CAST: variants seen among roughly 807,000 people sequenced by gnomAD.
CAST encodes the protein calpastatin.
Under a neutral mutation model 119.6 loss-of-function variants are expected in CAST, and 76 were observed. That is an observed-to-expected ratio of 0.64 (90% CI 0.53 to 0.77). The LOEUF (loss-of-function observed/expected upper bound fraction) is 0.77, where lower values mean the gene tolerates loss of function less well. CAST is among the 30% of genes least tolerant of loss of function. The probability of loss-of-function intolerance (pLI) is 0.00; values close to 1 mark genes in which losing one functional copy is unlikely to be tolerated. For synonymous variants in CAST, 319 were observed against 331.6 expected, an observed-to-expected ratio of 0.96 and a Z score of 0.41; for missense variants, 953 against 946.5, an observed-to-expected ratio of 1.01 and a Z score of -0.09.
chr5:95,991,994 C>G, the CAST span, among the ~76,000 whole-genome samples: 1 of 152,120 alleles, frequency 6.6e-6, no homozygotes, highest in East Asian at 1.9e-4. Flanking sequence ...GTATTTGAGG[C>G]AATGTTGGGC....
chr5:96,683,766 T>G (rs1580956699), intron 2 of CAST, among the ~76,000 whole-genome samples: 1 of 152,210 alleles, frequency 6.6e-6, no homozygotes, highest in African/African-American at 2.4e-5. Flanking sequence ...GTCAGATAGG[T>G]TTTCATGAGC....
chr5:96,014,662 C>T, the CAST span, among the ~76,000 whole-genome samples: 3 of 152,088 alleles, frequency 2.0e-5, no homozygotes, highest in Admixed American at 6.6e-5. Flanking sequence ...GGGACACTCT[C>T]TCATATGCAG....
At chr5:96,571,535 C>G (rs938061020) in intron 1 of CAST, among the ~76,000 whole-genome samples, 2 of 152,140 alleles carry the variant, frequency 1.3e-5, no homozygotes, top group African/African-American at 4.8e-5. Context: ...TAAAGATGAT[C>G]ATAGTTACAC....
the CAST span, among the ~76,000 whole-genome samples, chr5:96,115,719 A>G: frequency 1.3e-5 from 2 of 152,200 alleles, no homozygotes; most frequent in African/African-American, 4.8e-5. Context: ...GAGAAAGTCA[A>G]ATCATTGTTA....
intron 19 of CAST, among the ~76,000 whole-genome samples, chr5:96,749,807 A>G (rs1365135672): frequency 6.6e-6 from 1 of 152,220 alleles, no homozygotes; most frequent in African/African-American, 2.4e-5. Context: ...TGGCCTCCCA[A>G]AGTGCTGGGA....
chr5:96,702,124 C>A (rs368565422), intron 3 of CAST, among the ~76,000 whole-genome samples: 50 of 152,322 alleles, frequency 3.3e-4, no homozygotes, highest in African/African-American at 1.2e-3. Context: ...CCTTCACTCA[C>A]ACCCCAAGTT....
the CAST span, among the ~76,000 whole-genome samples, chr5:96,099,903 G>A: frequency 6.6e-6 from 1 of 152,164 alleles, no homozygotes; most frequent in Non-Finnish European, 1.5e-5. Context: ...AGTAGGAATG[G>A]TACCAACTCT....
At chr5:96,661,179 A>C (rs4266424), upstream of CAST, among the ~76,000 whole-genome samples, 62,857 of 148,494 alleles carry the variant, frequency 0.42, 16,566 homozygotes, top group African/African-American at 0.74. Context: ...TTTGGGAGGC[A>C]GCACTGGGCA....
chr5:96,112,452 G>A, the CAST span, among the ~76,000 whole-genome samples: 1 of 152,086 alleles, frequency 6.6e-6, no homozygotes, highest in Admixed American at 6.5e-5. Context: ...TCCTCCACTA[G>A]GAGGATAAAT....
chr5:96,748,538 C>G lies in CAST; in HGVS notation c.1353C>G (p.Leu451=). 1 of 1,559,560 alleles carries G rather than the reference C, an allele frequency of 6.4e-7. No individual in the cohort carries two copies. Among genetic ancestry groups the G allele is most frequent in the African/African-American group, 1.4e-5 (1 of 73,806 alleles). ...TACAGCCTCGGAGTGAATCAGAACT[C>G]ATTGATGAACTTTCAGAAGATTTTG... ...EKPKPRSESE[L]IDELSEDFDR... Residue 451 remains leucine (L), a synonymous_variant, in exon 19 of 32, where the codon CTC becomes CTG. Coordinates refer to ENST00000675179, the MANE Select transcript of CAST (RefSeq NM_001750.7).
the CAST span, among the ~76,000 whole-genome samples, chr5:96,134,024 A>G: frequency 1.7e-4 from 26 of 152,340 alleles, no homozygotes; most frequent in African/African-American, 6.0e-4. Context: ...GTTGAGGAAC[A>G]CAACTCTGTT....
the CAST span, among the ~76,000 whole-genome samples, chr5:96,210,471 G>A: frequency 1.3e-5 from 2 of 151,904 alleles, no homozygotes; most frequent in African/African-American, 4.8e-5. Context: ...AATTGCTTTT[G>A]CACCTTCATC....
chr5:96,080,250 T>G, the CAST span, among the ~76,000 whole-genome samples: 3 of 152,202 alleles, frequency 2.0e-5, no homozygotes, highest in African/African-American at 7.2e-5. Flanking sequence ...CATGCTGATA[T>G]CCACATATAA....
chr5:96,071,485 C>G, the CAST span, among the ~76,000 whole-genome samples: 3 of 152,158 alleles, frequency 2.0e-5, no homozygotes, highest in Admixed American at 1.3e-4. Context: ...ATCCTTCCTA[C>G]CCACCAATGG....
chr5:96,763,523 A>G (rs1768758542), intron 25 of CAST, among the ~76,000 whole-genome samples: 1 of 152,210 alleles, frequency 6.6e-6, no homozygotes, highest in African/African-American at 2.4e-5. Context: ...AACATTTGCA[A>G]TCAAAAACTT....
chr5:96,395,055 T>C, the CAST span: 6 of 1,539,814 alleles, frequency 3.9e-6, no homozygotes, highest in South Asian at 1.1e-5. Flanking sequence ...ACATTTAGTA[T>C]GTGTTTTAGA....
chr5:96,263,603 A>G, the CAST span, among the ~76,000 whole-genome samples: 2 of 98,940 alleles, frequency 2.0e-5, no homozygotes, highest in Non-Finnish European at 1.8e-5. Flanking sequence ...ATAGCAAATT[A>G]GAGAGAGAGA....
intron 2 of CAST, 123 bp downstream of exon 2, chr5:96,675,724 T>G (rs1337652345): frequency 5.9e-6 from 4 of 678,832 alleles, no homozygotes; most frequent in African/African-American, 3.7e-5. Context: ...AAATTTTGAT[T>G]TAACCAAGAT....
At chr5:96,429,591 T>G in the CAST span, among the ~76,000 whole-genome samples, 1 of 152,160 alleles carries the variant, frequency 6.6e-6, no homozygotes, top group South Asian at 2.1e-4. Context: ...TTTTTTCTGA[T>G]CCCTTCTCTT....
Sources: gnomAD v4.1 joint callset for allele counts (sites outside exome capture counted in the v4.1 genomes callset) on GRCh38, gnomAD v4.1.1 for gene constraint, MANE v1.5 for transcripts, NCBI Gene and HGNC (gene_info 2026-07-23, HGNC 2026-07-21) for gene names.